Variants in SCN9A observed in about 807,000 individuals in gnomAD.
The protein encoded by SCN9A is sodium voltage-gated channel alpha subunit 9, also known as sodium channel protein type 9 subunit alpha.
SCN9A carries 131 observed loss-of-function variants against 187.0 expected under a neutral mutation model. The observed-to-expected ratio is 0.70, with a 90% CI of 0.61 to 0.81. SCN9A has a LOEUF of 0.81. Ranked by LOEUF, SCN9A falls within the 30% of genes least tolerant of loss-of-function variation. The probability of loss-of-function intolerance (pLI) is 0.00; values close to 1 mark genes in which losing one functional copy is unlikely to be tolerated. For synonymous variants in SCN9A, 809 were observed against 808.6 expected (o/e 1.00, Z -0.01); for missense variants, 2,252 against 2,396.6 (o/e 0.94, Z 1.26).
intron 1 of SCN9A, among the ~76,000 whole-genome samples, chr2:166,331,770 T>C (rs1406261700): frequency 6.6e-6 from 1 of 152,212 alleles, no homozygotes; most frequent in East Asian, 1.9e-4. Flanking sequence ...TCAATGTTAA[T>C]ATAATTTCTG....
intron 1 of SCN9A, among the ~76,000 whole-genome samples, chr2:166,372,266 G>T (rs1700583588): frequency 6.6e-6 from 1 of 152,094 alleles, no homozygotes. Context: ...TCAAATATTT[G>T]GATAATGTGC....
intron 24 of SCN9A, among the ~76,000 whole-genome samples, chr2:166,216,537 G>T (rs1694339213): frequency 6.6e-6 from 1 of 152,006 alleles, no homozygotes; most frequent in South Asian, 2.1e-4. Context: ...CAGTAAAGTT[G>T]CAGTTTGCAA....
chr2:166,270,985 C>A (rs142152538), intron 17 of SCN9A, among the ~76,000 whole-genome samples: 2 of 151,872 alleles, frequency 1.3e-5, no homozygotes, highest in Non-Finnish European at 2.9e-5. Flanking sequence ...ATTTGTAATA[C>A]GGTTGTTATA....
At chr2:166,359,692 T>C (rs1700231855) in intron 1 of SCN9A, among the ~76,000 whole-genome samples, 1 of 152,056 alleles carries the variant, frequency 6.6e-6, no homozygotes, top group Non-Finnish European at 1.5e-5. Flanking sequence ...TTTATGGCAT[T>C]TTATAGTAGT....
chr2:166,366,393 C>T (rs1700418020), intron 1 of SCN9A, among the ~76,000 whole-genome samples: 1 of 152,228 alleles, frequency 6.6e-6, no homozygotes, highest in East Asian at 1.9e-4. Flanking sequence ...ATTTTATATA[C>T]AGACCACATT....
chr2:166,344,898 G>GT (rs1335182677), intron 1 of SCN9A, among the ~76,000 whole-genome samples: 1 of 152,178 alleles, frequency 6.6e-6, no homozygotes, highest in African/African-American at 2.4e-5. Flanking sequence ...AAGCAGCAGT[G>GT]TAAGACAGAA....
intron 1 of SCN9A, among the ~76,000 whole-genome samples, chr2:166,363,227 T>G (rs1248433715): frequency 2.0e-5 from 3 of 152,046 alleles, no homozygotes; most frequent in Non-Finnish European, 4.4e-5. Flanking sequence ...AGATTCTAAA[T>G]AGTAGAAATC....
At chr2:166,232,900 T>C (rs1029800308) in intron 21 of SCN9A, among the ~76,000 whole-genome samples, 2 of 147,708 alleles carry the variant, frequency 1.4e-5, no homozygotes, top group Non-Finnish European at 3.0e-5. Flanking sequence ...AGTATTATAC[T>C]TTTTTAGTAA....
chr2:166,225,818 T>C (rs781081347), intron 24 of SCN9A, among the ~76,000 whole-genome samples: 2 of 152,144 alleles, frequency 1.3e-5, no homozygotes, highest in Non-Finnish European at 2.9e-5. Context: ...ATTGGAGTTC[T>C]GTTGCCATAA....
chr2:166,342,882 A>G (rs989898178), intron 1 of SCN9A, among the ~76,000 whole-genome samples: 1 of 152,190 alleles, frequency 6.6e-6, no homozygotes. Flanking sequence ...TGCCCTTTGC[A>G]TACATCCACC....
chr2:166,355,846 C>T (rs7576631), intron 1 of SCN9A, among the ~76,000 whole-genome samples: 50,150 of 150,570 alleles, frequency 0.33, 9,877 homozygotes, highest in Non-Finnish European at 0.44. Context: ...GATCTCAGCT[C>T]ACTATAACCT....
intron 23 of SCN9A, among the ~76,000 whole-genome samples, chr2:166,227,002 A>G (rs1409693341): frequency 3.3e-5 from 5 of 152,110 alleles, no homozygotes; most frequent in Non-Finnish European, 2.9e-5. Flanking sequence ...AAATTCAATA[A>G]CTAAGTGACA....
chr2:166,216,174 T>C (rs1232032788), intron 24 of SCN9A, among the ~76,000 whole-genome samples: 1 of 151,970 alleles, frequency 6.6e-6, no homozygotes, highest in African/African-American at 2.4e-5. Context: ...AAGCATTTGA[T>C]AAAATCCAGC....
At position 166,278,134 on chromosome 2, in the gene SCN9A, G is replaced by A. The variant is rs145316463; in HGVS notation, c.2517+6C>T. ...GAATATAATGGCAACCTTAGTTTAT[G>A]TTTACCAGTCTGAATGATCGCAGAA... On this transcript the variant is annotated splice_donor_region_variant and intron_variant, in intron 15 of 26. Transcript: ENST00000642356. 8.0e-4 allele frequency: 1,286 copies of A among 1,608,722 alleles called. 11 individuals carry two copies. The African/African-American group carries it at 0.015, about 19-fold the overall frequency.
chr2:166,235,181 G>C (rs932071127), intron 20 of SCN9A, among the ~76,000 whole-genome samples: 1 of 152,046 alleles, frequency 6.6e-6, no homozygotes, highest in Non-Finnish European at 1.5e-5. Context: ...ACTAAGACAT[G>C]TCTGTTATAA....
chr2:166,219,442 C>T lies in SCN9A; in HGVS notation c.4398+7125G>A, dbSNP rs144207128. 3.0e-3 allele frequency among the ~76,000 whole-genome samples: 449 copies of T among 152,168 alleles called. 1 individual carries two copies. The highest frequency in any genetic ancestry group is 4.3e-3 in the Non-Finnish European group (293 of 67,986). On this transcript the variant is annotated intron_variant, in intron 24 of 26. Transcript: ENST00000642356. ...CAGGGACATGAATGGAGCTGGAGGC[C>T]ATTTTCATTAGTAAACTAAGGCAGG...
intron 17 of SCN9A, among the ~76,000 whole-genome samples, chr2:166,259,712 T>A (rs1254844986): frequency 6.6e-6 from 1 of 151,536 alleles, no homozygotes; most frequent in Non-Finnish European, 1.5e-5. Flanking sequence ...TTATTTTTAT[T>A]TAATTAATTT....
chr2:166,363,341 G>T (rs984088071), intron 1 of SCN9A, among the ~76,000 whole-genome samples: 3 of 151,948 alleles, frequency 2.0e-5, no homozygotes, highest in Non-Finnish European at 4.4e-5. Context: ...GCAAAGCCTT[G>T]TAAAATGGTC....
intron 19 of SCN9A, 33 bp from the exon 20 acceptor site, chr2:166,238,300 A>T (rs202239786): frequency 2.3e-5 from 31 of 1,361,906 alleles, no homozygotes; most frequent in Non-Finnish European, 2.9e-5. Context: ...TCAATCATGC[A>T]CAACTTAAGC....
Sources: allele counts gnomAD v4.1 joint callset (sites outside exome capture counted in the v4.1 genomes callset), GRCh38; gene constraint gnomAD v4.1.1; transcripts MANE v1.5; gene names NCBI Gene and HGNC (gene_info 2026-07-23, HGNC 2026-07-21).